Variants in MAP2 observed in about 807,000 individuals in gnomAD.
The protein encoded by MAP2 is microtubule associated protein 2.
In MAP2, 14 loss-of-function variants were observed where a neutral mutation model predicts 137.6. The observed-to-expected ratio is 0.10, with a 90% CI of 0.07 to 0.16. MAP2 has a LOEUF of 0.16. MAP2 is among the 10% of genes least tolerant of loss of function. The pLI, the probability that MAP2 is intolerant of heterozygous loss-of-function variation, is 1.00. For missense variants in MAP2, 2,088 were observed against 2,191.5 expected (o/e 0.95, Z 0.94); for synonymous variants, 786 against 782.3 (o/e 1.00, Z -0.08).
At chr2:209,697,194 T>C (rs1259893239) in intron 10 of MAP2, 143 bp downstream of exon 10, 1 of 755,002 alleles carries the variant, frequency 1.3e-6, no homozygotes, top group East Asian at 2.7e-5. Context: ...AAGTGTCTTG[T>C]ATCATTATTC....
intron 3 of MAP2, among the ~76,000 whole-genome samples, chr2:209,588,061 C>T (rs571723014): frequency 2.0e-5 from 3 of 152,268 alleles, no homozygotes; most frequent in Non-Finnish European, 4.4e-5. Context: ...ATAGAAGATA[C>T]TCTAGATGCA....
chr2:209,700,377 T>C, intron 11 of MAP2, 39 bp downstream of exon 11: 1 of 1,489,130 alleles, frequency 6.7e-7, no homozygotes, highest in Admixed American at 1.7e-5. Context: ...TCATTTGAAG[T>C]TCCTTTGGTA....
chr2:209,471,517 C>G, intron 1 of MAP2, among the ~76,000 whole-genome samples: 1 of 152,020 alleles, frequency 6.6e-6, no homozygotes, highest in Non-Finnish European at 1.5e-5. Context: ...ATTAACTGTT[C>G]TAAAATTGTA....
At chr2:209,670,379 C>T (rs2048293381) in intron 5 of MAP2, among the ~76,000 whole-genome samples, 1 of 151,920 alleles carries the variant, frequency 6.6e-6, no homozygotes, top group Non-Finnish European at 1.5e-5. Context: ...ATTTCTTCTG[C>T]TTAAATGTGT....
At chr2:209,499,892 A>G (rs1010006990) in intron 1 of MAP2, among the ~76,000 whole-genome samples, 5 of 152,166 alleles carry the variant, frequency 3.3e-5, no homozygotes, top group African/African-American at 1.2e-4. Context: ...CTCTGCCCCC[A>G]TTATCCAGTC....
chr2:209,690,613 G>T (rs769250977), intron 7 of MAP2: 3 of 1,285,808 alleles, frequency 2.3e-6, no homozygotes, highest in Non-Finnish European at 3.0e-6. Flanking sequence ...AAGAAGAAAC[G>T]CTAGAGAGTC....
At chr2:209,425,479 CA>C (rs1484445435) in intron 1 of MAP2, among the ~76,000 whole-genome samples, 3 of 151,808 alleles carry the variant, frequency 2.0e-5, no homozygotes, top group Non-Finnish European at 4.4e-5. Context: ...ATCTGTAGTG[CA>C]AAACAAAAAA....
chr2:209,582,700 T>A (rs958306367), intron 3 of MAP2, among the ~76,000 whole-genome samples: 1 of 151,322 alleles, frequency 6.6e-6, no homozygotes, highest in African/African-American at 2.4e-5. Flanking sequence ...GATAGATAGA[T>A]AGAATATTTT....
chr2:209,437,161 T>G (rs1423659739), intron 1 of MAP2, among the ~76,000 whole-genome samples: 1 of 151,674 alleles, frequency 6.6e-6, no homozygotes, highest in Admixed American at 6.6e-5. Flanking sequence ...GGACATTTGT[T>G]AAATCTGTTA....
intron 2 of MAP2, among the ~76,000 whole-genome samples, chr2:209,571,363 T>C (rs1326690351): frequency 6.6e-6 from 1 of 152,038 alleles, no homozygotes; most frequent in African/African-American, 2.4e-5. Context: ...TCTCTCATAC[T>C]ACTTTCTACA....
chr2:209,715,805 C>T (rs553731292), intron 13 of MAP2, among the ~76,000 whole-genome samples: 1 of 152,328 alleles, frequency 6.6e-6, no homozygotes, highest in East Asian at 1.9e-4. Context: ...TGACTGATGC[C>T]ACATACATCT....
At chr2:209,647,340 A>C (rs1421480051) in intron 4 of MAP2, among the ~76,000 whole-genome samples, 1 of 152,152 alleles carries the variant, frequency 6.6e-6, no homozygotes, top group African/African-American at 2.4e-5. Context: ...ATGGTACCAA[A>C]ACCTTTTAAT....
rs755729311 is a variant in MAP2, at chr2:209,667,018, G to A, written c.263-11554G>A. ...AAATAGAAAGTGGTTTTCTTCACCA[G>A]TTCTGTGGGAAAATGAAAATACGAT... On this transcript the variant is annotated intron_variant, in intron 5 of 15. Transcript: ENST00000682079. 8.0e-4 allele frequency among the ~76,000 whole-genome samples: 121 copies of A among 151,216 alleles called. 1 individual carries two copies. The highest frequency in any genetic ancestry group is 1.7e-3 in the Non-Finnish European group (115 of 67,904).
At chr2:209,668,283 A>G (rs1463888222) in intron 5 of MAP2, among the ~76,000 whole-genome samples, 1 of 152,028 alleles carries the variant, frequency 6.6e-6, no homozygotes, top group East Asian at 1.9e-4. Flanking sequence ...AATACAGTGG[A>G]GAGATGCAGC....
At chr2:209,463,513 A>G (rs1400953244) in intron 1 of MAP2, among the ~76,000 whole-genome samples, 2 of 152,154 alleles carry the variant, frequency 1.3e-5, no homozygotes, top group Non-Finnish European at 2.9e-5. Context: ...TTCCTTGTGA[A>G]TTTGTAAAAG....
chr2:209,658,381 T>C (rs190372394), intron 5 of MAP2, among the ~76,000 whole-genome samples: 1 of 152,252 alleles, frequency 6.6e-6, no homozygotes, highest in Admixed American at 6.5e-5. Flanking sequence ...TATGGTACTT[T>C]CTAGCAGCAA....
In MAP2 at chr2:209,696,147, A is replaced by G. The variant is rs932695171; in HGVS notation, c.3977A>G (p.His1326Arg). 3 of 1,613,034 alleles carry G rather than the reference A, an allele frequency of 1.9e-6. No homozygotes were observed. The East Asian group carries it at 6.7e-5, about 36-fold the overall frequency. Residue 1326 changes from histidine (H) to arginine (R), a missense_variant, in exon 8 of 16, where the codon CAT (histidine) becomes CGT (arginine). By Grantham distance (29) the His-to-Arg change is conservative. This residue lies in a region of MAP2 where 591 missense variants were observed against 642.6 expected (regional missense o/e 0.92). Transcript: ENST00000682079. ...GAGGTGGAAAGGAGACCATCTCCTC[A>G]TGATGAAGAAGAGTTTGAAGTAGAA... ...QPEVERRPSPHDEEEFEVEEA... is the reference protein window; with the variant it reads ...QPEVERRPSPRDEEEFEVEEA...
intron 3 of MAP2, among the ~76,000 whole-genome samples, chr2:209,594,368 A>C (rs1475372163): frequency 6.6e-6 from 1 of 152,132 alleles, no homozygotes; most frequent in Non-Finnish European, 1.5e-5. Flanking sequence ...GAGAAGAAGA[A>C]GGGTCTCAAA....
At chr2:209,707,356 A>G (rs928740610) in intron 12 of MAP2, among the ~76,000 whole-genome samples, 46 of 152,142 alleles carry the variant, frequency 3.0e-4, no homozygotes, top group African/African-American at 1.0e-3. Context: ...AAAACATAGG[A>G]TCTGTTTTAC....
Sources: allele counts gnomAD v4.1 joint callset (sites outside exome capture counted in the v4.1 genomes callset), GRCh38; gene constraint gnomAD v4.1.1; regional missense constraint gnomAD v4.1.1; transcripts MANE v1.5; gene names NCBI Gene and HGNC (gene_info 2026-07-23, HGNC 2026-07-21).